Variants in TLL2 observed in about 807,000 individuals in gnomAD.
TLL2 encodes tolloid like 2, also known as tolloid-like protein 2.
TLL2 carries 106 observed loss-of-function variants against 123.0 expected under a neutral mutation model. The observed-to-expected ratio is 0.86, with a 90% CI of 0.74 to 1.01. The LOEUF (loss-of-function observed/expected upper bound fraction) is 1.01. Among genes scored for constraint, TLL2 ranks in the 50% least tolerant of loss-of-function variants. The pLI is 0.00. For missense variants in TLL2, 1,332 were observed against 1,336.7 expected, an observed-to-expected ratio of 1.00 and a Z score of 0.06; for synonymous variants, 494 against 516.8, an observed-to-expected ratio of 0.96 and a Z score of 0.60.
chr10:96,429,801 C>T lies in TLL2; in HGVS notation c.521-1053G>A, dbSNP rs1364516047. ...CCTTGAGCCTAATTTTTCTTCCAGG[C>T]CTTTGAAAATAGGTGAACTTCATAC... On this transcript the variant is annotated intron_variant, in intron 4 of 20. Coordinates refer to ENST00000357947, the MANE Select transcript of TLL2 (RefSeq NM_012465.4). Among the ~76,000 whole-genome samples the T allele has an allele frequency of 6.6e-5, 10 of 152,266 alleles. No homozygotes were observed. In the East Asian group the frequency reaches 1.7e-3, roughly 26 times the overall value.
intron 4 of TLL2, among the ~76,000 whole-genome samples, chr10:96,431,947 G>T (rs992887749): frequency 5.9e-5 from 9 of 152,020 alleles, no homozygotes; most frequent in Admixed American, 5.9e-4. Flanking sequence ...CTATGAGGGG[G>T]GCACGTCTTG....
At chr10:96,401,156 C>T (rs1388247008) in intron 10 of TLL2, among the ~76,000 whole-genome samples, 1 of 152,126 alleles carries the variant, frequency 6.6e-6, no homozygotes. Flanking sequence ...AAGTGGGCTC[C>T]ATGGGGAGTC....
intron 16 of TLL2, among the ~76,000 whole-genome samples, chr10:96,380,617 C>T (rs1846177025): frequency 1.4e-5 from 2 of 146,928 alleles, no homozygotes; most frequent in Admixed American, 7.0e-5. Flanking sequence ...GGCATGAACC[C>T]AGGAGGCGGA....
intron 1 of TLL2, among the ~76,000 whole-genome samples, chr10:96,487,781 G>A (rs1847371808): frequency 2.6e-5 from 4 of 152,168 alleles, no homozygotes; most frequent in Admixed American, 2.0e-4. Context: ...CCAAGCCAGG[G>A]TTCTTCCCAG....
chr10:96,476,234 A>ATTTTTTTTTTT (rs1232966569), intron 2 of TLL2, among the ~76,000 whole-genome samples: 1 of 21,524 alleles, frequency 4.6e-5, no homozygotes, highest in African/African-American at 1.8e-4. Flanking sequence ...ATATATATAT[A>ATTTTTTTTTTT]TATATATTTT....
chr10:96,464,536 T>C (rs1007234507), intron 2 of TLL2, among the ~76,000 whole-genome samples: 3 of 151,820 alleles, frequency 2.0e-5, no homozygotes, highest in East Asian at 3.9e-4. Flanking sequence ...CAGGGATGGA[T>C]TACTCACTTA....
At position 96,508,124 on chromosome 10, in the gene TLL2, A is replaced by G. The variant is rs114747566; in HGVS notation, c.175+5387T>C. 1.1e-3 allele frequency among the ~76,000 whole-genome samples: 167 copies of G among 152,312 alleles called. 1 individual carries two copies. The highest frequency in any genetic ancestry group is 3.8e-3 in the African/African-American group (158 of 41,580). On this transcript the variant is annotated intron_variant, in intron 1 of 20. Transcript: ENST00000357947. ...GGGAGACAAGCTTCCAGGAGGCACC[A>G]TGTGAGCCTCATCTCTGCTTAAAAA...
chr10:96,411,501 T>C (rs1846507063), intron 8 of TLL2, among the ~76,000 whole-genome samples: 1 of 152,204 alleles, frequency 6.6e-6, no homozygotes, highest in Non-Finnish European at 1.5e-5. Flanking sequence ...GTTATGAGTC[T>C]AGAACCTAGT....
rs138247290 is a variant in TLL2 at position 96,381,632 on chromosome 10, G to A, written c.2195-2540C>T. Among the ~76,000 whole-genome samples, 37 of 152,192 alleles carry A rather than the reference G, an allele frequency of 2.4e-4. No homozygotes were observed. The East Asian group carries it at 6.4e-3, about 26-fold the overall frequency. ...CACCCACTGCTCCAGGCAACCATGG[G>A]CTTCTCTTCTTCAAACATTAGCCCT... On this transcript the variant is annotated intron_variant, in intron 16 of 20. Transcript: ENST00000357947.
chr10:96,400,415 A>G (rs1005242429), intron 10 of TLL2, among the ~76,000 whole-genome samples: 9 of 151,456 alleles, frequency 5.9e-5, no homozygotes, highest in Admixed American at 2.6e-4. Context: ...AGTTCTGAAC[A>G]TTGTACAATT....
chr10:96,479,732 C>A (rs1431825433), intron 2 of TLL2, among the ~76,000 whole-genome samples: 2 of 152,244 alleles, frequency 1.3e-5, no homozygotes. Flanking sequence ...ACTGTCTACC[C>A]CAGCTAACTT....
chr10:96,415,266 C>A (rs991046398), intron 7 of TLL2, among the ~76,000 whole-genome samples: 2 of 152,116 alleles, frequency 1.3e-5, no homozygotes, highest in Non-Finnish European at 2.9e-5. Flanking sequence ...TCAAATATGC[C>A]CTTGCACATG....
rs116322570 is a variant in TLL2 at position 96,441,237 on chromosome 10, G to A, written c.364+4854C>T. Among the ~76,000 whole-genome samples, 1,180 of 152,286 alleles carry A rather than the reference G, an allele frequency of 7.7e-3. 15 individuals carry two copies. Among genetic ancestry groups the A allele is most frequent in the African/African-American group, 0.026 (1,092 of 41,562 alleles). On this transcript the variant is annotated intron_variant, in intron 3 of 20. Transcript: ENST00000357947. ...ATTAGGCAATTGGTCATTCCCACAC[G>A]GGAAGTAAACACGCTGACAGCCCAG... is the stretch of plus-strand genomic sequence containing the variant.
chr10:96,462,985 T>G (rs1847094634), intron 2 of TLL2, among the ~76,000 whole-genome samples: 1 of 152,240 alleles, frequency 6.6e-6, no homozygotes, highest in African/African-American at 2.4e-5. Context: ...GCTGGGAACA[T>G]GCAAATTGGG....
chr10:96,496,246 CA>C (rs1215686861), intron 1 of TLL2, among the ~76,000 whole-genome samples: 10 of 152,204 alleles, frequency 6.6e-5, no homozygotes. Flanking sequence ...GAATCCATCT[CA>C]ACACAGTGTT....
intron 3 of TLL2, among the ~76,000 whole-genome samples, chr10:96,438,841 A>C (rs1017205127): frequency 1.3e-5 from 2 of 151,992 alleles, no homozygotes; most frequent in African/African-American, 2.4e-5. Flanking sequence ...TCTATTCCTA[A>C]TTTGTTGAGT....
chr10:96,446,234 T>C lies in TLL2; in HGVS notation c.287-66A>G, dbSNP rs1589424461. ...CCTTCTCTGCATCAGCACCAAGGGA[T>C]GAGGGAGCAAACCTGGTCACCTGGG... On this transcript the variant is annotated intron_variant, in intron 2 of 20. Coordinates refer to ENST00000357947, the MANE Select transcript of TLL2 (RefSeq NM_012465.4). 1.1e-5 allele frequency: 17 copies of C among 1,519,568 alleles called. No homozygotes were observed. The East Asian group carries it at 2.5e-4, about 22-fold the overall frequency. The allele number at this position is 1,519,568 out of a possible 1,614,324, so 94.1% of individuals were successfully genotyped here.
intron 1 of TLL2, among the ~76,000 whole-genome samples, chr10:96,511,808 G>C (rs1044108093): frequency 4.6e-5 from 7 of 152,212 alleles, no homozygotes; most frequent in African/African-American, 1.7e-4. Flanking sequence ...GCCTCCCAGA[G>C]TCCCCAGGTC....
chr10:96,506,274 A>AAG (rs1564921546), intron 1 of TLL2, among the ~76,000 whole-genome samples: 2 of 149,576 alleles, frequency 1.3e-5, no homozygotes, highest in African/African-American at 5.0e-5. Context: ...AAGAAAAAAA[A>AAG]AAAAGAAAAA....
Sources: gnomAD v4.1 joint callset for allele counts (sites outside exome capture counted in the v4.1 genomes callset) on GRCh38, gnomAD v4.1.1 for gene constraint, MANE v1.5 for transcripts, NCBI Gene and HGNC (gene_info 2026-07-23, HGNC 2026-07-21) for gene names.